Variants in DAB2IP observed in about 807,000 individuals in gnomAD.
The protein encoded by DAB2IP is DAB2 interacting protein, also known as disabled homolog 2-interacting protein.
A neutral mutation model predicts 107.2 loss-of-function variants in DAB2IP; 28 were observed. The ratio of observed to expected loss-of-function variants is 0.26; its 90% confidence interval spans 0.19 to 0.36. The LOEUF is 0.36. DAB2IP is among the 10% of genes least tolerant of loss of function. The probability of loss-of-function intolerance (pLI) is 1.00; values close to 1 mark genes in which losing one functional copy is unlikely to be tolerated. For synonymous variants in DAB2IP, 755 were observed against 706.4 expected, an observed-to-expected ratio of 1.07 and a Z score of -1.09; for missense variants, 1,400 against 1,644.7, an observed-to-expected ratio of 0.85 and a Z score of 2.57.
chr9:121,729,746 TG>T (rs1356955231), intron 3 of DAB2IP, among the ~76,000 whole-genome samples: 1 of 152,240 alleles, frequency 6.6e-6, no homozygotes, highest in African/African-American at 2.4e-5. Flanking sequence ...GGAAAGTTTT[TG>T]TTTTGTTTGT....
Position 121,765,915 on chromosome 9 carries a change from A to G in DAB2IP, c.1461-579A>G, listed in dbSNP as rs577350974. Among the ~76,000 whole-genome samples the G allele has an allele frequency of 3.3e-5, 5 of 152,230 alleles. No homozygotes were observed. In the East Asian group the frequency reaches 9.7e-4, roughly 29 times the overall value. On this transcript the variant is annotated intron_variant, in intron 8 of 15. Transcript: ENST00000408936. ...AGAGAATGGAGAGCTGTGTTGTCCCACCGTGTTCAGGGGTAGTCCCATCTT... is the reference window on the plus strand; with the variant it reads ...AGAGAATGGAGAGCTGTGTTGTCCCGCCGTGTTCAGGGGTAGTCCCATCTT...
intron 1 of DAB2IP, among the ~76,000 whole-genome samples, chr9:121,637,481 G>A (rs1832129540): frequency 6.6e-6 from 1 of 152,192 alleles, no homozygotes; most frequent in African/African-American, 2.4e-5. Flanking sequence ...GAGTCTGGTG[G>A]GGGAAGAAGC....
intron 9 of DAB2IP, among the ~76,000 whole-genome samples, chr9:121,767,961 T>C (rs544023532): frequency 6.6e-6 from 1 of 152,210 alleles, no homozygotes; most frequent in East Asian, 1.9e-4. Flanking sequence ...TAGTGGGGTC[T>C]CCACTTAGGG....
At chr9:121,658,767 C>T (rs769492504) in intron 1 of DAB2IP, among the ~76,000 whole-genome samples, 17 of 152,320 alleles carry the variant, frequency 1.1e-4, no homozygotes, top group Admixed American at 5.2e-4. Context: ...CCACCGAGGA[C>T]GCCCATCACG....
At chr9:121,678,765 C>G (rs199540285) in exon 2 of DAB2IP, 1 of 1,595,690 alleles carries the variant, frequency 6.3e-7, no homozygotes, top group South Asian at 1.1e-5. Context: ...TCGGCCGCCA[C>G]GCCGTTCCGG....
chr9:121,642,350 C>T (rs1040413485), intron 1 of DAB2IP, among the ~76,000 whole-genome samples: 7 of 151,858 alleles, frequency 4.6e-5, no homozygotes, highest in African/African-American at 1.5e-4. Flanking sequence ...AAGCAATTCT[C>T]GTGTGTCGGC....
At chr9:121,584,233 C>T (rs769434880) in intron 1 of DAB2IP, among the ~76,000 whole-genome samples, 21 of 152,022 alleles carry the variant, frequency 1.4e-4, no homozygotes, top group South Asian at 2.1e-4. Flanking sequence ...TGAGCCACCA[C>T]GCCCAGCCTC....
At chr9:121,711,353 T>A (rs547463004) in intron 3 of DAB2IP, among the ~76,000 whole-genome samples, 1 of 152,198 alleles carries the variant, frequency 6.6e-6, no homozygotes, top group South Asian at 2.1e-4. Flanking sequence ...TCCAGTGGGG[T>A]GATTGTGTGC....
chr9:121,774,528 C>T lies in DAB2IP; in HGVS notation c.3120+116C>T, dbSNP rs1325223898. 16 of 1,216,990 alleles carry T rather than the reference C, an allele frequency of 1.3e-5. No homozygotes were observed. The South Asian group carries it at 1.5e-4, about 11-fold the overall frequency. 75.4% of individuals were successfully genotyped at this position (1,216,990 alleles called of 1,614,324 possible). Reference sequence around the variant, plus strand: ...GGTGCTGCTGTCCTTGTGAAGGGCCCGTCACCTCTGAGCCCCTGTTCCCTG... The same window carrying T: ...GGTGCTGCTGTCCTTGTGAAGGGCCTGTCACCTCTGAGCCCCTGTTCCCTG... On this transcript the variant is annotated intron_variant, in intron 13 of 15. Coordinates refer to ENST00000408936, the Ensembl canonical transcript of DAB2IP.
chr9:121,647,628 G>A (rs1233301426), upstream of DAB2IP, among the ~76,000 whole-genome samples: 1 of 152,102 alleles, frequency 6.6e-6, no homozygotes, highest in Non-Finnish European at 1.5e-5. Context: ...GTAGCCTCCT[G>A]TGTCCCCATT....
intron 1 of DAB2IP, among the ~76,000 whole-genome samples, chr9:121,668,735 A>G (rs1182352070): frequency 1.3e-5 from 2 of 152,068 alleles, no homozygotes; most frequent in African/African-American, 2.4e-5. Flanking sequence ...ATCTGTTTCC[A>G]TTCATAGCCC....
At chr9:121,578,591 C>G (rs1377119125) in intron 1 of DAB2IP, among the ~76,000 whole-genome samples, 3 of 151,850 alleles carry the variant, frequency 2.0e-5, no homozygotes, top group Non-Finnish European at 4.4e-5. Context: ...GGGCTCTGCA[C>G]CTCCTGCCCA....
At chr9:121,617,968 T>C (rs1831337345) in intron 1 of DAB2IP, among the ~76,000 whole-genome samples, 1 of 152,218 alleles carries the variant, frequency 6.6e-6, no homozygotes, top group Non-Finnish European at 1.5e-5. Flanking sequence ...CCTGCTAGAC[T>C]GAGAAGCCCC....
intron 1 of DAB2IP, among the ~76,000 whole-genome samples, chr9:121,590,351 C>T (rs1245538439): frequency 6.6e-6 from 1 of 151,486 alleles, no homozygotes; most frequent in Non-Finnish European, 1.5e-5. Flanking sequence ...GGGTCTTCAT[C>T]CTATGATGCT....
chr9:121,772,913 A>T lies in DAB2IP; in HGVS notation c.2385A>T (p.Ala795=). 1 of 1,566,666 alleles carries T rather than the reference A, an allele frequency of 6.4e-7. No homozygotes were observed. Among genetic ancestry groups the T allele is most frequent in the South Asian group, 1.2e-5 (1 of 83,822 alleles). ...CCCGGGCAACCCCAGTGAACCTGGC[A>T]GGGCTGGCCACGGTGCGGCGGGCAG... Residue 795 remains alanine, a synonymous_variant, in exon 12 of 16, where the codon GCA becomes GCT. Transcript: ENST00000408936. The surrounding 1 kb of genome is among the most constrained non-coding windows in gnomAD (Gnocchi z 4.7).
In DAB2IP at chr9:121,631,577, G is replaced by A. The variant is rs570648162; in HGVS notation, c.41-47101G>A. ...TCACACCTGTAATCCCAGAACTCTG[G>A]GAGGCCGAGGCTGGCGGATAACAAG... On this transcript the variant is annotated intron_variant, in intron 1 of 16. Transcript: ENST00000259371. Among the ~76,000 whole-genome samples, 572 of 152,174 alleles carry A rather than the reference G, an allele frequency of 3.8e-3. 7 individuals are homozygous for A. The highest frequency in any genetic ancestry group is 0.013 in the African/African-American group (522 of 41,504).
At chr9:121,649,642 G>A (rs953436507), upstream of DAB2IP, among the ~76,000 whole-genome samples, 1 of 152,306 alleles carries the variant, frequency 6.6e-6, no homozygotes, top group Middle Eastern at 3.4e-3. Context: ...CCCAGAACCC[G>A]TGGACCTGGC....
At chr9:121,595,044 C>A (rs1422263394) in intron 1 of DAB2IP, among the ~76,000 whole-genome samples, 1 of 152,068 alleles carries the variant, frequency 6.6e-6, no homozygotes, top group African/African-American at 2.4e-5. Flanking sequence ...CTGACTGGGA[C>A]TAGGGTGTGA....
At chr9:121,650,468 C>A (rs113774613), upstream of DAB2IP, among the ~76,000 whole-genome samples, 4 of 152,236 alleles carry the variant, frequency 2.6e-5, no homozygotes, top group African/African-American at 9.6e-5. Flanking sequence ...CCCCACTGTT[C>A]TGGAGGAAGA....
Sources: gnomAD v4.1 joint callset for allele counts (sites outside exome capture counted in the v4.1 genomes callset) on GRCh38, gnomAD v4.1.1 for gene constraint, Gnocchi (gnomAD v3.1) non-coding constraint, MANE v1.5 for transcripts, NCBI Gene and HGNC (gene_info 2026-07-23, HGNC 2026-07-21) for gene names.